The following KIF1B variants were observed in gnomAD, a reference collection of about 807,000 sequenced individuals.
KIF1B encodes the protein kinesin family member 1B.
A neutral mutation model predicts 241.9 loss-of-function variants in KIF1B; 76 were observed. The observed-to-expected ratio is 0.31, with a 90% CI of 0.26 to 0.38. The LOEUF (loss-of-function observed/expected upper bound fraction) is 0.38. Among genes scored for constraint, KIF1B ranks in the 10% least tolerant of loss-of-function variants. The pLI, the probability that KIF1B is intolerant of heterozygous loss-of-function variation, is 1.00. For synonymous variants in KIF1B, 750 were observed against 796.7 expected (o/e 0.94, Z 0.99); for missense variants, 1,622 against 2,271.4 (o/e 0.71, Z 5.81).
At chr1:10,340,015 C>T (rs1018783115) in intron 32 of KIF1B, among the ~76,000 whole-genome samples, 156 bp downstream of exon 32, 15 of 152,112 alleles carry the variant, frequency 9.9e-5, no homozygotes, top group African/African-American at 2.9e-4. Context: ...TCATCCACAG[C>T]GGCCTGAGCA....
chr1:10,219,104 C>A (rs1225328226), intron 1 of KIF1B, among the ~76,000 whole-genome samples: 1 of 152,070 alleles, frequency 6.6e-6, no homozygotes, highest in African/African-American at 2.4e-5. Context: ...CGAGAGAAAC[C>A]TTTTTTCCTA....
chr1:10,379,057 T>C lies in KIF1B; in HGVS notation c.*2470T>C, dbSNP rs180955941. 1.3e-4 allele frequency: 30 copies of C among 231,024 alleles called. No individual in the cohort carries two copies. In the Admixed American group the frequency reaches 1.7e-3, roughly 13 times the overall value. 14.3% of individuals were successfully genotyped at this position (231,024 alleles called of 1,614,324 possible). ...CTGTCGGTGCTTAGAGATGGCTGCC[T>C]GGACTGGAATCAAATCTAATTTCAG... On this transcript the variant is annotated 3_prime_UTR_variant, in exon 49 of 49. Coordinates refer to ENST00000676179, the MANE Select transcript of KIF1B (RefSeq NM_001365951.3).
rs1384257198 is a variant in KIF1B at position 10,326,679 on chromosome 1, C to A, written c.2924+320C>A. On this transcript the variant is annotated intron_variant, in intron 27 of 48. Transcript: ENST00000676179. The surrounding 1 kb of genome is among the most constrained non-coding windows in gnomAD (Gnocchi z 5.2). The stretch of plus-strand genomic sequence containing the variant: ...CAAAGGAGAAAGTAAAGCTAAGAGT[C>A]AAACGTAGTGGGTTCAGTGAATAGT... Among the ~76,000 whole-genome samples, 1 of 152,120 alleles carries A rather than the reference C, an allele frequency of 6.6e-6. No homozygotes were observed. The highest frequency in any genetic ancestry group is 2.4e-5 in the African/African-American group (1 of 41,422).
In KIF1B at chr1:10,337,479, T is replaced by C. The variant is rs1204293314; in HGVS notation, c.3368T>C (p.Val1123Ala). 1 of 1,614,138 alleles carries C rather than the reference T, an allele frequency of 6.2e-7. No individual in the cohort carries two copies. Reference sequence around the variant, plus strand: ...AGTGCCTTCACTTTCCGAGTAACAGTGTTGCAGGCCAGTGGAATCCTCCCA... The same window carrying C: ...AGTGCCTTCACTTTCCGAGTAACAGCGTTGCAGGCCAGTGGAATCCTCCCA... ...LGSAFTFRVTVLQASGILPEY... is the reference protein window; with the variant it reads ...LGSAFTFRVTALQASGILPEY... The change falls in exon 31 of 49, where the codon GTG (valine) becomes GCG (alanine). Residue 1123 changes from valine to alanine, a missense_variant. Physicochemically the swap from Val to Ala is moderately conservative, Grantham distance 64. Around this residue, in one of 7 missense-constraint regions of KIF1B, gnomAD observed 803 missense variants for 1,112.0 expected, o/e 0.72. Coordinates refer to ENST00000676179, the MANE Select transcript of KIF1B (RefSeq NM_001365951.3). This position sits in a 1 kb window ranked among gnomAD's most constrained non-coding sequence, Gnocchi z 4.0.
intron 1 of KIF1B, among the ~76,000 whole-genome samples, chr1:10,216,320 T>C (rs918812549): frequency 1.3e-5 from 2 of 152,246 alleles, no homozygotes; most frequent in Non-Finnish European, 2.9e-5. Flanking sequence ...TAAACTGTGA[T>C]AATTGATAGC....
At chr1:10,272,919 A>T in intron 9 of KIF1B, 95 bp from the exon 10 acceptor site, 1 of 1,050,750 alleles carries the variant, frequency 9.5e-7, no homozygotes. Context: ...TGGAGAAATC[A>T]TAATCTATGA....
chr1:10,348,218 A>G (rs780700087), intron 36 of KIF1B, among the ~76,000 whole-genome samples: 2 of 152,168 alleles, frequency 1.3e-5, no homozygotes, highest in Non-Finnish European at 2.9e-5. Flanking sequence ...TGGTTATGAA[A>G]CATAGGTCCG....
chr1:10,267,085 T>G lies in KIF1B; in HGVS notation c.430-295T>G, dbSNP rs148533947. 3.9e-5 allele frequency among the ~76,000 whole-genome samples: 6 copies of G among 152,192 alleles called. No homozygotes were observed. The East Asian group carries it at 1.2e-3, about 29-fold the overall frequency. On this transcript the variant is annotated intron_variant, in intron 5 of 48. Transcript: ENST00000676179. ...GAGGCTGAAGTGCAGGGGTGTGATA[T>G]CGGCTCACTCTAACCTCCACCTCCC... is the stretch of plus-strand genomic sequence containing the variant.
intron 24 of KIF1B, among the ~76,000 whole-genome samples, chr1:10,322,265 G>A (rs1651553347): frequency 6.6e-6 from 1 of 152,088 alleles, no homozygotes; most frequent in South Asian, 2.1e-4. Context: ...GCACTGCTGT[G>A]TAGTGGACAA....
intron 34 of KIF1B, chr1:10,344,780 A>G (rs1652527373): frequency 6.6e-6 from 1 of 152,192 alleles, no homozygotes; most frequent in Non-Finnish European, 1.5e-5. Flanking sequence ...GATCTTCATG[A>G]TTGCTTTTCA....
chr1:10,266,061 G>T (rs1213518562), intron 5 of KIF1B, among the ~76,000 whole-genome samples: 1 of 152,098 alleles, frequency 6.6e-6, no homozygotes, highest in Non-Finnish European at 1.5e-5. Context: ...TCGTAATGTG[G>T]CCTATTGTGA....
chr1:10,342,011 A>G lies in KIF1B; in HGVS notation c.3514-39A>G, dbSNP rs777446209. 20 of 1,340,778 alleles carry G rather than the reference A, an allele frequency of 1.5e-5. No homozygotes were observed. In the South Asian group the frequency reaches 2.0e-4, roughly 13 times the overall value. 83.1% of individuals were successfully genotyped at this position (1,340,778 alleles called of 1,614,324 possible). ...AGTTCTGATTGAAGCAAAAATGTGTATTTTCTTGTAATCTTTTCCTAATCT... is the reference window on the plus strand; with the variant it reads ...AGTTCTGATTGAAGCAAAAATGTGTGTTTTCTTGTAATCTTTTCCTAATCT... On this transcript the variant is annotated intron_variant, in intron 32 of 48. Transcript: ENST00000676179.
chr1:10,363,204 A>G (rs1029562979), intron 40 of KIF1B, 79 bp from the exon 41 acceptor site: 147 of 1,066,112 alleles, frequency 1.4e-4, no homozygotes, highest in Non-Finnish European at 2.0e-4. Flanking sequence ...AGAAGACACT[A>G]TTTTAAGTAG....
intron 26 of KIF1B, 97 bp downstream of exon 26, chr1:10,324,992 A>G (rs1029688516): frequency 1.5e-6 from 2 of 1,303,852 alleles, no homozygotes; most frequent in East Asian, 2.3e-5. Flanking sequence ...AGAGGAAAAA[A>G]AAAGGTGTAA....
At chr1:10,341,968 A>AC in intron 32 of KIF1B, 82 bp from the exon 33 acceptor site, 1 of 913,600 alleles carries the variant, frequency 1.1e-6, no homozygotes, top group Non-Finnish European at 1.7e-6. Flanking sequence ...AAAAAAAAAA[A>AC]CCCAAAATAC....
Position 10,326,274 on chromosome 1 carries a change from G to A in KIF1B, c.2839G>A (p.Ala947Thr), listed in dbSNP as rs748284088. The A allele has an allele frequency of 4.3e-6, 7 of 1,614,174 alleles. No homozygotes were observed. Among genetic ancestry groups the A allele is most frequent in the South Asian group, 1.1e-5 (1 of 91,086 alleles). Residue 947 changes from alanine to threonine, a missense_variant, in exon 27 of 49, where the codon GCA (alanine) becomes ACA (threonine). Transcript: ENST00000676179. The surrounding 1 kb of genome is among the most constrained non-coding windows in gnomAD (Gnocchi z 5.2). ...EAFVDDAGSDAGTEEGSDLFS... is the reference protein window; with the variant it reads ...EAFVDDAGSDTGTEEGSDLFS... ...ATTCGTGGATGACGCCGGCTCTGAC[G>A]CAGGGACGGAGGAGGGATCAGATCT...
rs12141416 is a variant in KIF1B, at chr1:10,267,809, A to G, written c.608+251A>G. On this transcript the variant is annotated intron_variant, in intron 6 of 48. Coordinates refer to ENST00000676179, the MANE Select transcript of KIF1B (RefSeq NM_001365951.3). Reference sequence around the variant, plus strand: ...TCTTAGGTTTTGATCAAGTCATGGTAAAATGTTAGTTATCATGTATATATG... The same window carrying G: ...TCTTAGGTTTTGATCAAGTCATGGTGAAATGTTAGTTATCATGTATATATG... Among the ~76,000 whole-genome samples the G allele has an allele frequency of 0.32, 48,514 of 152,042 alleles. 7,855 individuals are homozygous for G. The highest frequency in any genetic ancestry group is 0.37 in the Middle Eastern group (108 of 294).
intron 19 of KIF1B, 139 bp downstream of exon 19, chr1:10,295,905 C>T (rs968349385): frequency 3.9e-6 from 3 of 762,916 alleles, no homozygotes; most frequent in Non-Finnish European, 6.6e-6. Context: ...ACCTGGGCTG[C>T]TTATGAATGC....
At chr1:10,333,092 A>G (rs1055376523) in intron 27 of KIF1B, among the ~76,000 whole-genome samples, 1 of 150,982 alleles carries the variant, frequency 6.6e-6, no homozygotes, top group African/African-American at 2.4e-5. Flanking sequence ...GATTACGGGC[A>G]TGAGCCACCA....
Sources: allele counts gnomAD v4.1 joint callset (sites outside exome capture counted in the v4.1 genomes callset), GRCh38; gene constraint gnomAD v4.1.1; regional missense constraint gnomAD v4.1.1; non-coding constraint Gnocchi (gnomAD v3.1); transcripts MANE v1.5; gene names NCBI Gene and HGNC (gene_info 2026-07-23, HGNC 2026-07-21).